The following AGBL4 variants were observed in gnomAD, a reference collection of about 807,000 sequenced individuals.
The protein encoded by AGBL4 is AGBL carboxypeptidase 4, also known as cytosolic carboxypeptidase 6.
In AGBL4, 58 loss-of-function variants were observed where a neutral mutation model predicts 66.4. The ratio of observed to expected loss-of-function variants is 0.87; its 90% confidence interval spans 0.71 to 1.09. AGBL4 has a LOEUF of 1.09. Among genes scored for constraint, AGBL4 ranks in the 50% least tolerant of loss-of-function variants. AGBL4 has a pLI of 0.00. For synonymous variants in AGBL4, 234 were observed against 222.9 expected, an observed-to-expected ratio of 1.05 and a Z score of -0.44; for missense variants, 579 against 631.0, an observed-to-expected ratio of 0.92 and a Z score of 0.88.
At chr1:49,937,581 T>C (rs1398735864) in intron 1 of AGBL4, among the ~76,000 whole-genome samples, 2 of 152,076 alleles carry the variant, frequency 1.3e-5, no homozygotes, top group Non-Finnish European at 2.9e-5. Flanking sequence ...ATTGACCACA[T>C]AGTTGGAAGT....
intron 6 of AGBL4, among the ~76,000 whole-genome samples, chr1:48,757,301 T>A (rs1481191029): frequency 6.6e-6 from 1 of 152,226 alleles, no homozygotes; most frequent in African/African-American, 2.4e-5. Flanking sequence ...CCATCCCCCA[T>A]CACCACTACA....
chr1:49,924,859 A>T (rs1164586287), intron 1 of AGBL4, among the ~76,000 whole-genome samples: 3 of 152,174 alleles, frequency 2.0e-5, no homozygotes, highest in African/African-American at 7.2e-5. Context: ...TTGACACAGC[A>T]ACTGGGGGAT....
chr1:49,637,087 C>T (rs1645688746), intron 3 of AGBL4, among the ~76,000 whole-genome samples: 1 of 152,262 alleles, frequency 6.6e-6, no homozygotes, highest in African/African-American at 2.4e-5. Context: ...GCTTCCTGCC[C>T]TTGAACACTG....
chr1:49,802,200 G>T (rs1644876649), intron 2 of AGBL4, among the ~76,000 whole-genome samples: 1 of 152,126 alleles, frequency 6.6e-6, no homozygotes, highest in African/African-American at 2.4e-5. Context: ...CAGAAAAGCA[G>T]ATGTTCATAG....
chr1:49,020,180 CATGGTTAGTTTTACTA>C (rs749632808), intron 5 of AGBL4, among the ~76,000 whole-genome samples: 5 of 152,126 alleles, frequency 3.3e-5, no homozygotes, highest in Admixed American at 2.0e-4. Flanking sequence ...GAGAGAGCAG[CATGGTTAGTTTTACTA>C]ATGTGGCTGT....
chr1:49,220,957 T>G (rs1195301549), intron 4 of AGBL4, among the ~76,000 whole-genome samples: 1 of 152,184 alleles, frequency 6.6e-6, no homozygotes, highest in African/African-American at 2.4e-5. Context: ...AGGGTTCCTT[T>G]GTCTGCCCAG....
chr1:49,228,750 A>C (rs1458022025), intron 4 of AGBL4, among the ~76,000 whole-genome samples: 1 of 152,192 alleles, frequency 6.6e-6, no homozygotes, highest in African/African-American at 2.4e-5. Flanking sequence ...GGGTAAAAGC[A>C]GGGGTCAGTT....
At chr1:49,875,965 G>T (rs1433773325) in intron 1 of AGBL4, among the ~76,000 whole-genome samples, 1 of 146,448 alleles carries the variant, frequency 6.8e-6, no homozygotes, top group Non-Finnish European at 1.5e-5. Flanking sequence ...CTTTTGAGAA[G>T]TGTCTGTTCA....
chr1:49,485,167 A>T (rs948328673), intron 3 of AGBL4, among the ~76,000 whole-genome samples: 1 of 151,114 alleles, frequency 6.6e-6, no homozygotes, highest in Non-Finnish European at 1.5e-5. Context: ...CGTATGTTTA[A>T]TGTGGCACTA....
At chr1:49,548,811 T>G (rs1476904555) in intron 3 of AGBL4, among the ~76,000 whole-genome samples, 1 of 152,160 alleles carries the variant, frequency 6.6e-6, no homozygotes, top group Non-Finnish European at 1.5e-5. Context: ...AAGGGAGGGT[T>G]CCTTTTTTTC....
intron 5 of AGBL4, among the ~76,000 whole-genome samples, chr1:48,933,359 C>T (rs1178025074): frequency 6.6e-6 from 1 of 152,162 alleles, no homozygotes; most frequent in Non-Finnish European, 1.5e-5. Context: ...CCAACTTTGC[C>T]TTAAACTCAT....
intron 3 of AGBL4, among the ~76,000 whole-genome samples, chr1:49,654,791 T>A (rs1292385912): frequency 6.6e-6 from 1 of 152,198 alleles, no homozygotes; most frequent in Admixed American, 6.5e-5. Flanking sequence ...TCTTCCTCCA[T>A]CCCTTTATTT....
intron 1 of AGBL4, among the ~76,000 whole-genome samples, chr1:49,910,804 C>T (rs1650745565): frequency 1.3e-5 from 2 of 152,094 alleles, no homozygotes; most frequent in Admixed American, 6.5e-5. Flanking sequence ...GGTGAAAACC[C>T]GTCTTTACTA....
At chr1:48,988,951 A>G (rs898814367) in intron 5 of AGBL4, among the ~76,000 whole-genome samples, 6 of 152,286 alleles carry the variant, frequency 3.9e-5, no homozygotes, top group African/African-American at 1.4e-4. Flanking sequence ...CCTCTGACAA[A>G]AAAAGGTGGG....
downstream of AGBL4, among the ~76,000 whole-genome samples, chr1:48,531,796 G>C (rs1208291854): frequency 6.6e-6 from 1 of 151,962 alleles, no homozygotes. Flanking sequence ...ATTTATTTCA[G>C]CCAGAGTCTC....
chr1:48,967,727 T>C (rs1658560119), intron 5 of AGBL4, among the ~76,000 whole-genome samples: 1 of 152,100 alleles, frequency 6.6e-6, no homozygotes, highest in Admixed American at 6.6e-5. Flanking sequence ...GAAGAAAGAA[T>C]ATGATGTACA....
chr1:49,184,966 C>T (rs948595230), intron 4 of AGBL4, among the ~76,000 whole-genome samples: 1 of 152,192 alleles, frequency 6.6e-6, no homozygotes, highest in African/African-American at 2.4e-5. Context: ...CCTTTATCTC[C>T]TTCTGCCAAT....
At chr1:49,510,384 T>C (rs1386429780) in intron 3 of AGBL4, among the ~76,000 whole-genome samples, 1 of 151,462 alleles carries the variant, frequency 6.6e-6, no homozygotes, top group Non-Finnish European at 1.5e-5. Context: ...ATGTCTTCTT[T>C]TGAGAAGTGT....
At chr1:49,284,848 T>C (rs1644366404) in intron 3 of AGBL4, among the ~76,000 whole-genome samples, 1 of 150,536 alleles carries the variant, frequency 6.6e-6, no homozygotes, top group Admixed American at 6.6e-5. Flanking sequence ...ATGCACCCAA[T>C]ACAGGAGCAC....
Sources: allele counts gnomAD v4.1 joint callset (sites outside exome capture counted in the v4.1 genomes callset), GRCh38; gene constraint gnomAD v4.1.1; transcripts MANE v1.5; gene names NCBI Gene and HGNC (gene_info 2026-07-23, HGNC 2026-07-21).